The following HCRTR2 variants were observed in gnomAD, a reference collection of about 807,000 sequenced individuals.
HCRTR2 encodes hypocretin receptor 2.
HCRTR2 carries 22 observed loss-of-function variants against 49.0 expected under a neutral mutation model. That is an observed-to-expected ratio of 0.45 (90% CI 0.32 to 0.64). The LOEUF is 0.64. HCRTR2 is among the 30% of genes least tolerant of loss of function. The pLI, the probability that HCRTR2 is intolerant of heterozygous loss-of-function variation, is 0.04. For missense variants in HCRTR2, 491 were observed against 559.4 expected (o/e 0.88, Z 1.23); for synonymous variants, 236 against 205.3 (o/e 1.15, Z -1.28).
In HCRTR2 at chr6:55,174,578, T is replaced by A. The variant is rs200267043; in HGVS notation, c.-10T>A. On this transcript the variant is annotated 5_prime_UTR_variant, in exon 1 of 7. Coordinates refer to ENST00000370862, the MANE Select transcript of HCRTR2 (RefSeq NM_001384272.1). ...TTGCAGCATTGAGCGGAACCGGACT[T>A]GAGCCCGTGATGTCCGGCACCAAAT... The A allele has an allele frequency of 6.2e-7, 1 of 1,611,804 alleles. No individual in the cohort carries two copies. Among genetic ancestry groups the A allele is most frequent in the Non-Finnish European group, 8.5e-7 (1 of 1,178,018 alleles).
upstream of HCRTR2, among the ~76,000 whole-genome samples, chr6:55,172,322 T>C (rs916860551): frequency 3.3e-5 from 5 of 152,172 alleles, no homozygotes; most frequent in African/African-American, 1.2e-4. Context: ...CCTCATCCTG[T>C]TTGGTTTGCA....
rs61667408 is a variant in HCRTR2 at position 55,274,239 on chromosome 6, G to GTATATATATATATA, written c.763-3136_763-3123dup. On this transcript the variant is annotated intron_variant, in intron 4 of 6. Transcript: ENST00000370862. ...TCTCTGCAATGTTTCATCATTTTCA[G>GTATATATATATATA]TATATATATATATATATAATGAAAT... Among the ~76,000 whole-genome samples the GTATATATATATATA allele has an allele frequency of 8.3e-3, 987 of 119,456 alleles. 20 individuals are homozygous for GTATATATATATATA. The highest frequency in any genetic ancestry group is 0.037 in the Middle Eastern group (7 of 188). The allele number at this position is 119,456 out of a possible 152,430, so 78.4% of individuals were successfully genotyped here. A position where few individuals can be genotyped will look rare whatever the true frequency, so the allele number is the denominator to read the frequency against.
At chr6:55,145,072 T>C (rs897856948) in intron 1 of HCRTR2, among the ~76,000 whole-genome samples, 2 of 152,174 alleles carry the variant, frequency 1.3e-5, no homozygotes, top group African/African-American at 4.8e-5. Flanking sequence ...CCAGTCATAT[T>C]CTTCTAGTTA....
chr6:55,239,967 G>T (rs1169999662), intron 1 of HCRTR2, among the ~76,000 whole-genome samples: 1 of 151,578 alleles, frequency 6.6e-6, no homozygotes. Context: ...TGTAGAGATG[G>T]GGTTTCGCCA....
At chr6:55,119,423 C>T (rs1011383053) in intron 1 of HCRTR2, among the ~76,000 whole-genome samples, 3 of 152,130 alleles carry the variant, frequency 2.0e-5, no homozygotes, top group African/African-American at 7.2e-5. Flanking sequence ...TCCTATTTCT[C>T]CACGTCCTCT....
chr6:55,195,531 A>G (rs918147636), intron 1 of HCRTR2, among the ~76,000 whole-genome samples: 1 of 152,328 alleles, frequency 6.6e-6, no homozygotes, highest in Admixed American at 6.5e-5. Flanking sequence ...CAGAGTGGCT[A>G]TAGTTAACAA....
At chr6:55,254,992 A>G in intron 2 of HCRTR2, 144 bp from the exon 3 acceptor site, 4 of 714,366 alleles carry the variant, frequency 5.6e-6, no homozygotes, top group Non-Finnish European at 9.2e-6. Context: ...TTTTAAATAG[A>G]AAGCACTTGC....
intron 1 of HCRTR2, among the ~76,000 whole-genome samples, chr6:55,138,977 G>A (rs1284245270): frequency 6.6e-6 from 1 of 152,194 alleles, no homozygotes; most frequent in African/African-American, 2.4e-5. Context: ...TGAGGAGTTG[G>A]TAGTAAGCAG....
chr6:55,210,874 A>C (rs1765683911), intron 1 of HCRTR2, among the ~76,000 whole-genome samples: 1 of 152,132 alleles, frequency 6.6e-6, no homozygotes, highest in Non-Finnish European at 1.5e-5. Flanking sequence ...GTTGATTGGC[A>C]TTGTTTTTAC....
At chr6:55,276,431 C>G (rs1767078108) in intron 4 of HCRTR2, among the ~76,000 whole-genome samples, 2 of 152,162 alleles carry the variant, frequency 1.3e-5, no homozygotes. Flanking sequence ...CACAAGGACA[C>G]ATTGGTCAGT....
upstream of HCRTR2, among the ~76,000 whole-genome samples, chr6:55,171,930 A>G (rs1764956100): frequency 6.6e-6 from 1 of 152,178 alleles, no homozygotes; most frequent in Non-Finnish European, 1.5e-5. Flanking sequence ...GCAGATGTTA[A>G]TGAATATAGA....
Position 55,178,899 on chromosome 6 carries a change from T to C in HCRTR2, c.223+4089T>C, listed in dbSNP as rs377428679. Reference sequence around the variant, plus strand: ...TCATTTAGAGTTTTTGAGTTGTTAATAGGTTGTTGATAGGCAGGTCTATCA... The same window carrying C: ...TCATTTAGAGTTTTTGAGTTGTTAACAGGTTGTTGATAGGCAGGTCTATCA... On this transcript the variant is annotated intron_variant, in intron 1 of 6. Coordinates refer to ENST00000370862, the MANE Select transcript of HCRTR2 (RefSeq NM_001384272.1). 3.9e-5 allele frequency among the ~76,000 whole-genome samples: 6 copies of C among 152,322 alleles called. No individual in the cohort carries two copies. In the East Asian group the frequency reaches 9.6e-4, roughly 24 times the overall value.
At chr6:55,279,679 T>G (rs2127333556) in intron 5 of HCRTR2, among the ~76,000 whole-genome samples, 1 of 152,108 alleles carries the variant, frequency 6.6e-6, no homozygotes, top group East Asian at 1.9e-4. Flanking sequence ...GATGGAATAT[T>G]TCTAAGTATG....
Position 55,282,249 on chromosome 6 carries a change from C to G in HCRTR2, c.1130C>G (p.Ala377Gly), listed in dbSNP as rs1767205088. 2 of 1,613,634 alleles carry G rather than the reference C, an allele frequency of 1.2e-6. No homozygotes were observed. The highest frequency in any genetic ancestry group is 1.7e-6 in the Non-Finnish European group (2 of 1,179,780). Residue 377 changes from alanine to glycine, a missense_variant, in exon 7 of 7, where the codon GCT becomes GGT. Transcript: ENST00000370862. ...LSGKFREEFK[A>G]AFSCCCLGVH... ...GGAAAATTTCGAGAGGAATTTAAAGCTGCGTTTTCTTGCTGTTGCCTTGGA... is the reference window on the plus strand; with the variant it reads ...GGAAAATTTCGAGAGGAATTTAAAGGTGCGTTTTCTTGCTGTTGCCTTGGA...
chr6:55,223,684 C>G (rs914218201), intron 1 of HCRTR2, among the ~76,000 whole-genome samples: 5 of 151,946 alleles, frequency 3.3e-5, no homozygotes, highest in African/African-American at 1.2e-4. Flanking sequence ...TTTTCAACCT[C>G]TATATGGCGG....
At chr6:55,279,443 C>T (rs1165952369) in intron 5 of HCRTR2, among the ~76,000 whole-genome samples, 1 of 145,980 alleles carries the variant, frequency 6.9e-6, no homozygotes, top group African/African-American at 2.7e-5. Context: ...TTGTAAAACT[C>T]TAGTACTCTT....
intron 1 of HCRTR2, among the ~76,000 whole-genome samples, chr6:55,242,382 T>TG (rs1349523763): frequency 1.5e-5 from 2 of 131,788 alleles, no homozygotes; most frequent in Non-Finnish European, 3.3e-5. Flanking sequence ...TCCTAGCCCC[T>TG]GGGGGAAAAA....
At chr6:55,212,670 T>A (rs907591047) in intron 1 of HCRTR2, among the ~76,000 whole-genome samples, 1 of 152,148 alleles carries the variant, frequency 6.6e-6, no homozygotes, top group Admixed American at 6.6e-5. Context: ...ATTAAACATA[T>A]AAAAGAATGG....
chr6:55,156,993 G>A (rs1764740140), intron 1 of HCRTR2, among the ~76,000 whole-genome samples: 1 of 151,870 alleles, frequency 6.6e-6, no homozygotes, highest in Non-Finnish European at 1.5e-5. Flanking sequence ...AAGACAAAGA[G>A]GTCTACTAAT....
Sources: gnomAD v4.1 joint callset for allele counts (sites outside exome capture counted in the v4.1 genomes callset) on GRCh38, gnomAD v4.1.1 for gene constraint, MANE v1.5 for transcripts, NCBI Gene and HGNC (gene_info 2026-07-23, HGNC 2026-07-21) for gene names.